The following STXBP5 variants were observed in gnomAD, a reference collection of about 807,000 sequenced individuals.
STXBP5 encodes the protein syntaxin-binding protein 5.
STXBP5 carries 50 observed loss-of-function variants against 152.4 expected under a neutral mutation model. The ratio of observed to expected loss-of-function variants is 0.33; its 90% CI spans 0.26 to 0.42. STXBP5 has a LOEUF of 0.42. Among genes scored for constraint, STXBP5 ranks in the 10% least tolerant of loss-of-function variants. The pLI is 1.00. For synonymous variants in STXBP5, 492 were observed against 494.7 expected, an observed-to-expected ratio of 0.99 and a Z score of 0.07; for missense variants, 1,167 against 1,388.6, an observed-to-expected ratio of 0.84 and a Z score of 2.54.
At chr6:147,270,235 A>G (rs588273) in intron 7 of STXBP5, among the ~76,000 whole-genome samples, 65,974 of 151,126 alleles carry the variant, frequency 0.44, 14,654 homozygotes, top group East Asian at 0.71. Flanking sequence ...CGTCTCTACT[A>G]AAAAATACAA....
At chr6:147,214,236 TATC>T (rs1239969363) in intron 2 of STXBP5, among the ~76,000 whole-genome samples, 1 of 152,244 alleles carries the variant, frequency 6.6e-6, no homozygotes, top group Non-Finnish European at 1.5e-5. Flanking sequence ...ATATCTGTAT[TATC>T]ATTCTTAATA....
chr6:147,222,232 G>C (rs1251307126), intron 2 of STXBP5, among the ~76,000 whole-genome samples: 2 of 152,068 alleles, frequency 1.3e-5, no homozygotes, highest in Non-Finnish European at 2.9e-5. Flanking sequence ...TCTGATAATT[G>C]CAACATTACT....
chr6:147,315,329 T>C (rs938176277), intron 14 of STXBP5, among the ~76,000 whole-genome samples, 186 bp from the exon 15 acceptor site: 2 of 152,190 alleles, frequency 1.3e-5, no homozygotes, highest in South Asian at 2.1e-4. Flanking sequence ...GAGCACACTC[T>C]TGTTTGGTCA....
chr6:147,290,706 CA>C (rs1283234194), intron 8 of STXBP5, among the ~76,000 whole-genome samples: 2 of 152,156 alleles, frequency 1.3e-5, no homozygotes, highest in Non-Finnish European at 1.5e-5. Flanking sequence ...TGCAGCCTGT[CA>C]CACTGGGGTG....
intron 21 of STXBP5, among the ~76,000 whole-genome samples, chr6:147,345,595 T>C (rs528328734): frequency 1.2e-3 from 188 of 152,328 alleles, no homozygotes; most frequent in Non-Finnish European, 2.3e-3. Flanking sequence ...TAAACAAAAA[T>C]CAACTTGCTT....
In STXBP5 at chr6:147,220,362, C is replaced by T. The variant is rs565615464; in HGVS notation, c.248+14294C>T. Among the ~76,000 whole-genome samples, 324 of 152,106 alleles carry T rather than the reference C, an allele frequency of 2.1e-3. 3 individuals carry two copies. The highest frequency in any genetic ancestry group is 3.0e-3 in the Non-Finnish European group (201 of 67,934). On this transcript the variant is annotated intron_variant, in intron 2 of 27. Transcript: ENST00000321680. ...TGTGTGTTTTGCTGTTATTGGATAA[C>T]GTAGACTGTAGATGTCCATTATATC...
chr6:147,317,700 C>G (rs1461851384), intron 16 of STXBP5, among the ~76,000 whole-genome samples: 1 of 152,196 alleles, frequency 6.6e-6, no homozygotes, highest in Non-Finnish European at 1.5e-5. Flanking sequence ...TCCTCTCCCT[C>G]TCTCATACCT....
intron 3 of STXBP5, among the ~76,000 whole-genome samples, chr6:147,237,249 T>G (rs1489306844): frequency 6.6e-6 from 1 of 152,168 alleles, no homozygotes; most frequent in East Asian, 1.9e-4. Flanking sequence ...GATCATAGAC[T>G]TCTTTGGAAG....
chr6:147,235,036 T>C (rs1170070752), intron 2 of STXBP5, among the ~76,000 whole-genome samples: 1 of 152,112 alleles, frequency 6.6e-6, no homozygotes, highest in Non-Finnish European at 1.5e-5. Context: ...CATTTTCTTC[T>C]AATTTGCTTG....
intron 9 of STXBP5, among the ~76,000 whole-genome samples, chr6:147,298,859 T>C (rs1781664003): frequency 6.6e-6 from 1 of 151,978 alleles, no homozygotes; most frequent in South Asian, 2.1e-4. Flanking sequence ...TAGCAATAAA[T>C]ACTTCCATCA....
intron 16 of STXBP5, among the ~76,000 whole-genome samples, chr6:147,318,907 A>G (rs1210045825): frequency 6.6e-6 from 1 of 152,046 alleles, no homozygotes; most frequent in Non-Finnish European, 1.5e-5. Context: ...AATTTGTTTT[A>G]ACTTACTGAA....
At position 147,385,348 on chromosome 6, in the gene STXBP5, T is replaced by G. The variant is rs1443670248; in HGVS notation, c.*593T>G. 6.6e-6 allele frequency: 1 copy of G among 152,138 alleles called. No homozygotes were observed. Among genetic ancestry groups the G allele is most frequent in the Non-Finnish European group, 1.5e-5 (1 of 68,010 alleles). The allele number at this position is 152,138 out of a possible 1,614,324, so 9.4% of individuals were successfully genotyped here. A position where few individuals can be genotyped will look rare whatever the true frequency, so the allele number is the denominator to read the frequency against. On this transcript the variant is annotated 3_prime_UTR_variant, in exon 28 of 28. Transcript: ENST00000321680. ...TTAAATAATAAAAACATACACATAG[T>G]TGACTTGTGTATGAGCTACTCTTGG...
At chr6:147,206,417 A>T (rs1562406866) in intron 2 of STXBP5, among the ~76,000 whole-genome samples, 1 of 152,206 alleles carries the variant, frequency 6.6e-6, no homozygotes, top group Non-Finnish European at 1.5e-5. Flanking sequence ...AGGTTTAAAG[A>T]CAATTACTTT....
chr6:147,314,429 CCT>C, intron 13 of STXBP5, 98 bp downstream of exon 13: 1 of 1,313,060 alleles, frequency 7.6e-7, no homozygotes, highest in Non-Finnish European at 1.1e-6. Flanking sequence ...GTAGAGCTTT[CCT>C]TTATGTCGTA....
intron 9 of STXBP5, among the ~76,000 whole-genome samples, chr6:147,307,864 C>G (rs943881908): frequency 1.3e-5 from 2 of 152,090 alleles, no homozygotes; most frequent in Non-Finnish European, 2.9e-5. Flanking sequence ...ACTTGCCTTC[C>G]GAGGATAAAC....
chr6:147,283,012 T>G (rs1780774241), intron 8 of STXBP5, among the ~76,000 whole-genome samples: 1 of 152,132 alleles, frequency 6.6e-6, no homozygotes, highest in South Asian at 2.1e-4. Flanking sequence ...TTAAGAAAAT[T>G]TTCTAATTTG....
At chr6:147,293,905 A>T (rs1473793612) in intron 9 of STXBP5, among the ~76,000 whole-genome samples, 1 of 152,200 alleles carries the variant, frequency 6.6e-6, no homozygotes, top group Non-Finnish European at 1.5e-5. Context: ...AGGCAGGTGT[A>T]TTGAAAAGAT....
At chr6:147,249,164 T>TA (rs1778965267) in intron 4 of STXBP5, among the ~76,000 whole-genome samples, 1 of 152,162 alleles carries the variant, frequency 6.6e-6, no homozygotes, top group Non-Finnish European at 1.5e-5. Flanking sequence ...GCAGAGACCC[T>TA]ATTAAGTGAC....
intron 4 of STXBP5, 138 bp from the exon 5 acceptor site, chr6:147,260,477 C>CA: frequency 1.1e-6 from 1 of 936,136 alleles, no homozygotes; most frequent in Non-Finnish European, 1.6e-6. Context: ...AAATATTAGT[C>CA]ACAATGAATA....
Sources: allele counts gnomAD v4.1 joint callset (sites outside exome capture counted in the v4.1 genomes callset), GRCh38; gene constraint gnomAD v4.1.1; transcripts MANE v1.5; gene names NCBI Gene and HGNC (gene_info 2026-07-23, HGNC 2026-07-21).